CACNA2D3: variants seen among roughly 807,000 people sequenced by gnomAD.
CACNA2D3 encodes calcium voltage-gated channel auxiliary subunit alpha2delta 3.
In CACNA2D3, 60 loss-of-function variants were observed where a neutral mutation model predicts 160.6. The observed-to-expected ratio is 0.37, with a 90% CI of 0.30 to 0.46. The LOEUF (loss-of-function observed/expected upper bound fraction) is 0.46. CACNA2D3 is among the 20% of genes least tolerant of loss of function. CACNA2D3 has a pLI of 1.00. For synonymous variants in CACNA2D3, 558 were observed against 492.9 expected (o/e 1.13, Z -1.75); for missense variants, 1,205 against 1,365.0 (o/e 0.88, Z 1.85).
intron 2 of CACNA2D3, among the ~76,000 whole-genome samples, chr3:54,278,803 G>A (rs1332521734): frequency 1.3e-5 from 2 of 152,118 alleles, no homozygotes; most frequent in Non-Finnish European, 2.9e-5. Context: ...CTGGACACGG[G>A]GAGGGGAACA....
At chr3:54,708,179 G>C (rs1378362987) in intron 11 of CACNA2D3, among the ~76,000 whole-genome samples, 1 of 152,174 alleles carries the variant, frequency 6.6e-6, no homozygotes, top group Non-Finnish European at 1.5e-5. Context: ...ACCATCCAGT[G>C]AAACTTTTCT....
chr3:54,821,345 T>A (rs1703586316), intron 14 of CACNA2D3, among the ~76,000 whole-genome samples: 1 of 152,226 alleles, frequency 6.6e-6, no homozygotes, highest in African/African-American at 2.4e-5. Context: ...TTTTGTTTCC[T>A]GTTAGGAACA....
At position 55,074,387 on chromosome 3, in the gene CACNA2D3, TATCTATC is replaced by T. The variant is rs146507106; in HGVS notation, c.*186_*192del. On this transcript the variant is annotated 3_prime_UTR_variant, in exon 38 of 38. Transcript: ENST00000474759. ...TCTTAAAGATATGTTGACAAAAAGT[TATCTATC>T]ATCTTTTTACTTTGCCAGTCATGCA... 43,529 of 583,130 alleles carry T rather than the reference TATCTATC, an allele frequency of 0.075. 1,898 individuals are homozygous for T. Among genetic ancestry groups the T allele is most frequent in the African/African-American group, 0.095 (5,027 of 52,822 alleles). The allele number at this position is 583,130 out of a possible 1,614,324, so 36.1% of individuals were successfully genotyped here.
chr3:55,055,897 T>C (rs1433318976), intron 35 of CACNA2D3, among the ~76,000 whole-genome samples: 1 of 152,126 alleles, frequency 6.6e-6, no homozygotes, highest in Non-Finnish European at 1.5e-5. Context: ...GCAATGTTTT[T>C]TTAGGTTTGA....
At chr3:54,806,057 A>G (rs1287600864) in intron 13 of CACNA2D3, among the ~76,000 whole-genome samples, 2 of 152,216 alleles carry the variant, frequency 1.3e-5, no homozygotes, top group Non-Finnish European at 2.9e-5. Flanking sequence ...ATATCTCAAA[A>G]TAATAAGACC....
chr3:54,229,590 C>T (rs1367668951), intron 2 of CACNA2D3, among the ~76,000 whole-genome samples: 1 of 152,180 alleles, frequency 6.6e-6, no homozygotes, highest in Non-Finnish European at 1.5e-5. Context: ...TCACCTCGGC[C>T]TCCGAAAGCG....
At chr3:54,662,840 C>T (rs1246135548) in intron 11 of CACNA2D3, among the ~76,000 whole-genome samples, 1 of 152,238 alleles carries the variant, frequency 6.6e-6, no homozygotes, top group Non-Finnish European at 1.5e-5. Flanking sequence ...TAGAGTCTTA[C>T]ATTTGAAGGT....
intron 10 of CACNA2D3, among the ~76,000 whole-genome samples, chr3:54,635,883 A>G (rs766415371): frequency 6.6e-6 from 1 of 152,036 alleles, no homozygotes; most frequent in Non-Finnish European, 1.5e-5. Flanking sequence ...AACGGAAGAA[A>G]TGACTGGTGG....
intron 2 of CACNA2D3, among the ~76,000 whole-genome samples, chr3:54,308,893 AAGT>A (rs897718378): frequency 2.6e-5 from 4 of 152,354 alleles, no homozygotes; most frequent in African/African-American, 9.6e-5. Context: ...GTTTGAAAAA[AAGT>A]AGGCTGCAGA....
chr3:54,764,224 T>C lies in CACNA2D3; in HGVS notation c.1253T>C (p.Phe418Ser), dbSNP rs1559574196. Residue 418 changes from phenylalanine (F) to serine (S), a missense_variant, in exon 13 of 38, where the codon TTT (phenylalanine) becomes TCT (serine). Physicochemically the swap from Phe to Ser is radical, Grantham distance 155. This residue lies in a region of CACNA2D3 where 911 missense variants were observed against 1,002.2 expected (regional missense o/e 0.91). Coordinates refer to ENST00000474759, the MANE Select transcript of CACNA2D3 (RefSeq NM_018398.3). ...CTCCCTTGGGTTTTGACAGGATTTT[T>C]TACCCAGATCTCCACCTTGGCTGAT... ...KWMACANKGF[F>S]TQISTLADVQ... The C allele has an allele frequency of 3.7e-6, 6 of 1,613,442 alleles. No individual in the cohort carries two copies. The highest frequency in any genetic ancestry group is 5.1e-6 in the Non-Finnish European group (6 of 1,179,680).
chr3:54,841,229 G>A (rs1426311937), intron 16 of CACNA2D3, among the ~76,000 whole-genome samples: 3 of 152,288 alleles, frequency 2.0e-5, no homozygotes, highest in African/African-American at 7.2e-5. Flanking sequence ...CATGAAGTGG[G>A]GACCCTTCGG....
At chr3:54,690,945 T>G (rs940100115) in intron 11 of CACNA2D3, among the ~76,000 whole-genome samples, 1 of 152,148 alleles carries the variant, frequency 6.6e-6, no homozygotes, top group African/African-American at 2.4e-5. Context: ...TATGATTGAT[T>G]ATTCTATTAT....
intron 34 of CACNA2D3, among the ~76,000 whole-genome samples, chr3:55,013,103 C>G (rs1300326870): frequency 6.6e-6 from 1 of 152,186 alleles, no homozygotes; most frequent in Non-Finnish European, 1.5e-5. Context: ...GAGACCTTGT[C>G]ACATAATTGC....
intron 13 of CACNA2D3, among the ~76,000 whole-genome samples, chr3:54,779,626 T>C (rs1386089207): frequency 6.6e-6 from 1 of 152,176 alleles, no homozygotes; most frequent in Non-Finnish European, 1.5e-5. Flanking sequence ...TTTAGTTGCC[T>C]GAACAACCCA....
chr3:54,435,345 T>C lies in CACNA2D3; in HGVS notation c.381+48571T>C, dbSNP rs148724277. Among the ~76,000 whole-genome samples, 827 of 152,268 alleles carry C rather than the reference T, an allele frequency of 5.4e-3. 5 individuals carry two copies. Among genetic ancestry groups the C allele is most frequent in the Non-Finnish European group, 8.8e-3 (598 of 68,018 alleles). On this transcript the variant is annotated intron_variant, in intron 4 of 37. Coordinates refer to ENST00000474759, the MANE Select transcript of CACNA2D3 (RefSeq NM_018398.3). Reference sequence around the variant, plus strand: ...TGCCTCTGGTGTTAGTGGAGTCCCATGGGGAGCTGAGCTTTTACCTGAACT... The same window carrying C: ...TGCCTCTGGTGTTAGTGGAGTCCCACGGGGAGCTGAGCTTTTACCTGAACT...
At chr3:54,229,855 T>C (rs1701738650) in intron 2 of CACNA2D3, among the ~76,000 whole-genome samples, 1 of 152,110 alleles carries the variant, frequency 6.6e-6, no homozygotes, top group Admixed American at 6.6e-5. Context: ...CTCATTTCAG[T>C]AGAAAGGGAA....
At chr3:54,642,673 TTCTC>T (rs1006722593) in intron 11 of CACNA2D3, among the ~76,000 whole-genome samples, 35 of 152,302 alleles carry the variant, frequency 2.3e-4, no homozygotes, top group Admixed American at 7.2e-4. Flanking sequence ...ACCCAGAAAC[TTCTC>T]TCTATCTCCC....
intron 13 of CACNA2D3, among the ~76,000 whole-genome samples, chr3:54,794,116 C>G (rs1484704996): frequency 6.6e-6 from 1 of 152,096 alleles, no homozygotes; most frequent in Non-Finnish European, 1.5e-5. Context: ...AATGATCACA[C>G]ATATATACAT....
intron 34 of CACNA2D3, among the ~76,000 whole-genome samples, chr3:55,017,450 T>C (rs1313686562): frequency 6.6e-6 from 1 of 152,232 alleles, no homozygotes; most frequent in Non-Finnish European, 1.5e-5. Context: ...TTATTATCAT[T>C]ATTTGACATT....
Sources: gnomAD v4.1 joint callset for allele counts (sites outside exome capture counted in the v4.1 genomes callset) on GRCh38, gnomAD v4.1.1 for gene constraint, gnomAD v4.1.1 regional missense constraint, MANE v1.5 for transcripts, NCBI Gene and HGNC (gene_info 2026-07-23, HGNC 2026-07-21) for gene names.